Variants in TBC1D14 observed in about 807,000 individuals in gnomAD.
TBC1D14 encodes the protein TBC1 domain family, member 14.
In TBC1D14, 26 loss-of-function variants were observed where a neutral mutation model predicts 79.0. That is an observed-to-expected ratio of 0.33 (90% CI 0.24 to 0.46). The LOEUF (loss-of-function observed/expected upper bound fraction) is 0.46, where lower values mean the gene tolerates loss of function less well. Among genes scored for constraint, TBC1D14 ranks in the 20% least tolerant of loss-of-function variants. TBC1D14 has a pLI of 1.00. For synonymous variants in TBC1D14, 394 were observed against 349.9 expected (o/e 1.13, Z -1.40); for missense variants, 769 against 887.6 (o/e 0.87, Z 1.70).
chr4:6,957,947 C>CT (rs10665611), intron 2 of TBC1D14, among the ~76,000 whole-genome samples: 46,829 of 147,276 alleles, frequency 0.32, 7,374 homozygotes, highest in Middle Eastern at 0.35. Context: ...GGAGTGCTGG[C>CT]TTTTTTTTTT....
Position 6,930,509 on chromosome 4 carries a change from A to G in TBC1D14, c.722+6398A>G, listed in dbSNP as rs1253842960. Among the ~76,000 whole-genome samples, 4 of 152,208 alleles carry G rather than the reference A, an allele frequency of 2.6e-5. No homozygotes were observed. In the South Asian group the frequency reaches 8.3e-4, roughly 31 times the overall value. On this transcript the variant is annotated intron_variant, in intron 2 of 13. Transcript: ENST00000409757. ...TCCCATTATTCCTCACTAAAAGTCTATGAGGGGGCCAGGCGCAGTGGCTCA... is the reference window on the plus strand; with the variant it reads ...TCCCATTATTCCTCACTAAAAGTCTGTGAGGGGGCCAGGCGCAGTGGCTCA...
At chr4:6,927,134 G>A (rs1401008919) in intron 2 of TBC1D14, among the ~76,000 whole-genome samples, 2 of 152,186 alleles carry the variant, frequency 1.3e-5, no homozygotes, top group Non-Finnish European at 2.9e-5. Context: ...GGCCCGGCTT[G>A]CATTTGTCCT....
intron 1 of TBC1D14, among the ~76,000 whole-genome samples, chr4:6,915,050 A>G (rs192524333): frequency 1.3e-5 from 2 of 152,272 alleles, no homozygotes; most frequent in East Asian, 1.9e-4. Flanking sequence ...GAAACAAAAC[A>G]AAAAGAGAAA....
At chr4:6,989,678 G>A (rs1024942102) in intron 3 of TBC1D14, among the ~76,000 whole-genome samples, 5 of 152,170 alleles carry the variant, frequency 3.3e-5, no homozygotes, top group African/African-American at 4.8e-5. Context: ...CCAGGCCCGC[G>A]TGGTCCCTTC....
At position 6,923,940 on chromosome 4, in the gene TBC1D14, G is replaced by A; in HGVS notation, c.551G>A (p.Ser184Asn). The A allele has an allele frequency of 6.2e-7, 1 of 1,614,170 alleles. No homozygotes were observed. The highest frequency in any genetic ancestry group is 8.5e-7 in the Non-Finnish European group (1 of 1,180,020). Reference protein sequence around the residue: ...NEDILDLVVTSSSSAIVTLEN... With the variant: ...NEDILDLVVTNSSSAIVTLEN... ...GACATCTTGGACCTTGTGGTCACGA[G>A]CAGCTCCAGTGCCATTGTGACCCTG... Residue 184 changes from serine (S) to asparagine (N), a missense_variant, in exon 2 of 14, where the codon AGC becomes AAC. Physicochemically the swap from Ser to Asn is conservative, Grantham distance 46. This residue lies in a region of TBC1D14 where 402 missense variants were observed against 393.2 expected (regional missense o/e 1.02). Transcript: ENST00000409757.
At chr4:6,951,276 A>G (rs1379359986) in intron 2 of TBC1D14, among the ~76,000 whole-genome samples, 1 of 152,198 alleles carries the variant, frequency 6.6e-6, no homozygotes, top group Admixed American at 6.6e-5. Flanking sequence ...TGGGCGGCAG[A>G]GCAAGACTGC....
chr4:7,026,733 CA>C (rs550751180), intron 13 of TBC1D14, among the ~76,000 whole-genome samples: 2 of 151,896 alleles, frequency 1.3e-5, no homozygotes, highest in Non-Finnish European at 2.9e-5. Flanking sequence ...CCCGTCTCTA[CA>C]AAAAATACAA....
chr4:6,986,040 G>A (rs761758638), intron 3 of TBC1D14, among the ~76,000 whole-genome samples: 2 of 152,126 alleles, frequency 1.3e-5, no homozygotes, highest in African/African-American at 4.8e-5. Context: ...AAGTTCCTTC[G>A]TGCCTGTTTG....
intron 1 of TBC1D14, among the ~76,000 whole-genome samples, chr4:6,913,566 C>G (rs544668389): frequency 6.6e-6 from 1 of 152,332 alleles, no homozygotes; most frequent in African/African-American, 2.4e-5. Flanking sequence ...CTCTGAATCT[C>G]ATAGTTTCCT....
chr4:6,944,161 C>T (rs996454278), intron 2 of TBC1D14, among the ~76,000 whole-genome samples: 1 of 152,186 alleles, frequency 6.6e-6, no homozygotes, highest in African/African-American at 2.4e-5. Flanking sequence ...ACACCTACCC[C>T]TGATTTTTCC....
At position 7,025,091 on chromosome 4, in the gene TBC1D14, G is replaced by A. The variant is rs376101687; in HGVS notation, c.1845G>A (p.Leu615=). The part of the protein sequence containing the change: ...DVFCRDGEEF[L]FRTALGILKL... ...TCTGTCGCGATGGGGAAGAGTTCCT[G>A]TTCCGCACGGCCCTGGGCATCCTGA... Residue 615 remains leucine, a synonymous_variant, in exon 13 of 14, where the codon CTG becomes CTA. Transcript: ENST00000409757. 4 of 1,614,244 alleles carry A rather than the reference G, an allele frequency of 2.5e-6. No individual in the cohort carries two copies. The East Asian group carries it at 8.9e-5, about 36-fold the overall frequency.
intron 2 of TBC1D14, among the ~76,000 whole-genome samples, chr4:6,931,776 TA>T (rs11411544): frequency 1.3e-5 from 2 of 151,332 alleles, no homozygotes; most frequent in African/African-American, 4.9e-5. Context: ...ATACATTCTT[TA>T]AAAAAAAATT....
In TBC1D14 at chr4:6,922,872, C is replaced by G. The variant is rs566001939; in HGVS notation, c.-17-501C>G. Among the ~76,000 whole-genome samples, 142 of 152,182 alleles carry G rather than the reference C, an allele frequency of 9.3e-4. 1 individual carries two copies. Among genetic ancestry groups the G allele is most frequent in the African/African-American group, 3.3e-3 (136 of 41,528 alleles). On this transcript the variant is annotated intron_variant, in intron 1 of 13. Transcript: ENST00000409757. ...GTGCATCCTTTGTTTGGGTTATCTTCCTGCTATGTTATATCATGACAGTGT... is the reference window on the plus strand; with the variant it reads ...GTGCATCCTTTGTTTGGGTTATCTTGCTGCTATGTTATATCATGACAGTGT...
intron 3 of TBC1D14, among the ~76,000 whole-genome samples, chr4:6,985,700 C>A (rs1210510007): frequency 1.7e-5 from 1 of 59,338 alleles, no homozygotes; most frequent in Non-Finnish European, 3.6e-5. Flanking sequence ...AGCACAGGGA[C>A]AGTGTCCTAG....
chr4:6,968,762 A>G lies in TBC1D14; in HGVS notation c.843+1338A>G, dbSNP rs994810407. Among the ~76,000 whole-genome samples the G allele has an allele frequency of 9.9e-5, 15 of 152,028 alleles. 1 individual carries two copies. The highest frequency in any genetic ancestry group is 3.1e-4 in the African/African-American group (13 of 41,372). On this transcript the variant is annotated intron_variant, in intron 3 of 13. Coordinates refer to ENST00000409757, the MANE Select transcript of TBC1D14 (RefSeq NM_020773.3). ...CGCTGCACCCGGTAGCCTGCCTCCA[A>G]CCCCAAGGCTTTGCAGAGCCTCTGA...
chr4:6,988,423 C>A (rs891809908), intron 3 of TBC1D14, among the ~76,000 whole-genome samples: 2 of 152,232 alleles, frequency 1.3e-5, no homozygotes, highest in African/African-American at 2.4e-5. Flanking sequence ...GGAGGAGGAG[C>A]TCAAGGTCAT....
At chr4:6,988,032 C>T (rs1718060975) in intron 3 of TBC1D14, among the ~76,000 whole-genome samples, 1 of 152,202 alleles carries the variant, frequency 6.6e-6, no homozygotes. Context: ...AGTGGCTTTA[C>T]TTACTGTGAG....
At chr4:6,965,073 T>C (rs188004425) in intron 2 of TBC1D14, among the ~76,000 whole-genome samples, 7 of 152,304 alleles carry the variant, frequency 4.6e-5, no homozygotes, top group Non-Finnish European at 5.9e-5. Context: ...CACAGAACAG[T>C]TGTCAAAATG....
chr4:6,985,052 T>A (rs1717699920), intron 3 of TBC1D14, among the ~76,000 whole-genome samples: 1 of 152,258 alleles, frequency 6.6e-6, no homozygotes, highest in Non-Finnish European at 1.5e-5. Context: ...GTGCCCCACT[T>A]AGATGGAGCG....
Sources: gnomAD v4.1 joint callset for allele counts (sites outside exome capture counted in the v4.1 genomes callset) on GRCh38, gnomAD v4.1.1 for gene constraint, gnomAD v4.1.1 regional missense constraint, MANE v1.5 for transcripts, NCBI Gene and HGNC (gene_info 2026-07-23, HGNC 2026-07-21) for gene names.